The following GSTO2 variants were observed in gnomAD, a reference collection of about 807,000 sequenced individuals.
GSTO2 encodes the protein glutathione S-transferase omega 2, also known as glutathione S-transferase omega-2.
A neutral mutation model predicts 28.4 loss-of-function variants in GSTO2; 23 were observed. The observed-to-expected ratio is 0.81, with a 90% CI of 0.58 to 1.15. The LOEUF (loss-of-function observed/expected upper bound fraction) is 1.15. Among genes scored for constraint, GSTO2 ranks in the 50% most tolerant of loss-of-function variants. The probability of loss-of-function intolerance (pLI) is 0.00; values close to 1 mark genes in which losing one functional copy is unlikely to be tolerated. For missense variants in GSTO2, 298 were observed against 297.8 expected (o/e 1.00, Z 0.00); for synonymous variants, 109 against 111.0 (o/e 0.98, Z 0.11).
Position 104,274,769 on chromosome 10 carries a change from C to A in GSTO2, c.-147C>A. The A allele has an allele frequency of 1.0e-6, 1 of 954,128 alleles. No homozygotes were observed. The highest frequency in any genetic ancestry group is 1.6e-6 in the Non-Finnish European group (1 of 622,940). 59.1% of individuals were successfully genotyped at this position (954,128 alleles called of 1,614,324 possible). The stretch of plus-strand genomic sequence containing the variant: ...TCCTGCTCCAGATCGCTTCCCCGTG[C>A]CCCGCCAGAGCCCAGTAGTTCAAAA... On this transcript the variant is annotated 5_prime_UTR_variant, in exon 2 of 7. Coordinates refer to ENST00000338595, the MANE Select transcript of GSTO2 (RefSeq NM_183239.2).
At position 104,299,255 on chromosome 10, in the gene GSTO2, C is replaced by T. The variant is rs771878120; in HGVS notation, c.703C>T (p.Pro235Ser). The T allele has an allele frequency of 1.2e-6, 2 of 1,614,028 alleles. No homozygotes were observed. Among genetic ancestry groups the T allele is most frequent in the East Asian group, 2.2e-5 (1 of 44,896 alleles). ...CTTGAATCTCTATTTTCAGAACAAC[C>T]CTAATGCCTTTGACTTTGGGCTGTG... ...GFLNLYFQNNPNAFDFGLC is the reference protein window; with the variant it reads ...GFLNLYFQNNSNAFDFGLC Residue 235 changes from proline to serine, a missense_variant, in exon 7 of 7, where the codon CCT becomes TCT. Pro to Ser is a moderately conservative substitution (Grantham distance 74). Transcript: ENST00000338595.
intron 6 of GSTO2, 23 bp downstream of exon 6, chr10:104,297,707 G>A (rs1471593518): frequency 1.3e-6 from 2 of 1,530,304 alleles, no homozygotes; most frequent in Non-Finnish European, 1.8e-6. Context: ...ACATTGTGGT[G>A]TTAAATTCCC....
chr10:104,282,231 AAAAAAAAAAAAAGAAAAG>A (rs1439312356), intron 5 of GSTO2, among the ~76,000 whole-genome samples: 1 of 147,980 alleles, frequency 6.8e-6, no homozygotes, highest in Admixed American at 6.6e-5. Flanking sequence ...GTTTCAAAAA[AAAAAAAAAAAAAGAAAAG>A]AAAAGAAAAA....
intron 5 of GSTO2, among the ~76,000 whole-genome samples, chr10:104,286,963 CT>C (rs963861730): frequency 1.3e-5 from 2 of 152,042 alleles, no homozygotes; most frequent in Admixed American, 6.5e-5. Flanking sequence ...ATCTTGGGGA[CT>C]TTTTTGTTTT....
intron 3 of GSTO2, among the ~76,000 whole-genome samples, chr10:104,277,020 C>T (rs1279045003): frequency 6.6e-6 from 1 of 152,190 alleles, no homozygotes; most frequent in Non-Finnish European, 1.5e-5. Flanking sequence ...ATCCCCACCA[C>T]AGTACCAAGA....
intron 6 of GSTO2, among the ~76,000 whole-genome samples, chr10:104,298,807 A>G (rs544003153): frequency 6.6e-6 from 1 of 152,318 alleles, no homozygotes; most frequent in Admixed American, 6.5e-5. Context: ...AGTGAAGCAC[A>G]TGTAAGTTTC....
Position 104,274,912 on chromosome 10 carries a change from G to C in GSTO2, c.-4G>C, listed in dbSNP as rs780067373. The C allele has an allele frequency of 6.2e-7, 1 of 1,609,894 alleles. No homozygotes were observed. Among genetic ancestry groups the C allele is most frequent in the Non-Finnish European group, 8.5e-7 (1 of 1,178,474 alleles). ...CCGGGAGCTGCGCAAACCACCTGGAGACCATGTCTGGGGATGCGACCAGGA... is the reference window on the plus strand; with the variant it reads ...CCGGGAGCTGCGCAAACCACCTGGACACCATGTCTGGGGATGCGACCAGGA... On this transcript the variant is annotated 5_prime_UTR_variant, in exon 2 of 7. Coordinates refer to ENST00000338595, the MANE Select transcript of GSTO2 (RefSeq NM_183239.2).
At position 104,303,076 on chromosome 10, in the gene GSTO2, G is replaced by C. The variant is rs2013306357; in HGVS notation, c.*3792G>C. On this transcript the variant is annotated 3_prime_UTR_variant, in exon 7 of 7. Transcript: ENST00000338595. ...TAGATATTAAGTCTAGTATCCATTA[G>C]TTATTTTTCCTGATCCTCTCCCTCC... is the stretch of plus-strand genomic sequence containing the variant. The C allele has an allele frequency of 6.6e-6, 1 of 152,188 alleles. No individual in the cohort carries two copies. Among genetic ancestry groups the C allele is most frequent in the Admixed American group, 6.5e-5 (1 of 15,278 alleles). The allele number at this position is 152,188 out of a possible 1,614,324, so 9.4% of individuals were successfully genotyped here. A position where few individuals can be genotyped will look rare whatever the true frequency, so the allele number is the denominator to read the frequency against.
chr10:104,285,905 G>T, intron 5 of GSTO2: 1 of 315,716 alleles, frequency 3.2e-6, no homozygotes, highest in Non-Finnish European at 6.3e-6. Context: ...TTTATATATT[G>T]TTTAATTGTT....
intron 5 of GSTO2, among the ~76,000 whole-genome samples, chr10:104,288,929 C>T (rs2012609902): frequency 6.6e-6 from 1 of 152,010 alleles, no homozygotes; most frequent in Non-Finnish European, 1.5e-5. Context: ...CTATGATTTC[C>T]TCCACTGTTT....
In GSTO2 at chr10:104,304,319, C is replaced by T. The variant is rs2013340822; in HGVS notation, c.*5035C>T. 1 of 152,222 alleles carries T rather than the reference C, an allele frequency of 6.6e-6. No homozygotes were observed. Among genetic ancestry groups the T allele is most frequent in the Non-Finnish European group, 1.5e-5 (1 of 68,046 alleles). 9.4% of individuals were successfully genotyped at this position (152,222 alleles called of 1,614,324 possible). A position where few individuals can be genotyped will look rare whatever the true frequency, so the allele number is the denominator to read the frequency against. On this transcript the variant is annotated 3_prime_UTR_variant, in exon 7 of 7. Transcript: ENST00000338595. ...TCTTGAGCCTTTGAAAATGCCATTT[C>T]CTCTACATACTATTCTTCCTCAGAG...
intron 5 of GSTO2, among the ~76,000 whole-genome samples, chr10:104,284,946 G>A (rs1034263591): frequency 2.0e-5 from 3 of 152,130 alleles, no homozygotes; most frequent in African/African-American, 4.8e-5. Context: ...AAAAGAGAGC[G>A]GGGAGGGGAT....
intron 5 of GSTO2, among the ~76,000 whole-genome samples, chr10:104,282,679 G>A (rs1293905490): frequency 1.3e-5 from 2 of 152,158 alleles, no homozygotes; most frequent in Non-Finnish European, 2.9e-5. Flanking sequence ...TGGAGAGGGA[G>A]GTTTAATTAG....
chr10:104,297,758 C>A, intron 6 of GSTO2, 74 bp downstream of exon 6: 2 of 968,174 alleles, frequency 2.1e-6, no homozygotes, highest in Non-Finnish European at 3.3e-6. Context: ...GGTCTGCATG[C>A]CCCCTGTAGA....
rs866294698 is a variant in GSTO2 at position 104,304,233 on chromosome 10, G to C, written c.*4949G>C. 1 of 152,232 alleles carries C rather than the reference G, an allele frequency of 6.6e-6. No individual in the cohort carries two copies. The highest frequency in any genetic ancestry group is 1.9e-4 in the East Asian group (1 of 5,200). 9.4% of individuals were successfully genotyped at this position (152,232 alleles called of 1,614,324 possible). A position where few individuals can be genotyped will look rare whatever the true frequency, so the allele number is the denominator to read the frequency against. ...TTTTCATTTATCTTCTTCTTTGAGT[G>C]CCTGGAAGGCTGAACATTTGATCTT... On this transcript the variant is annotated 3_prime_UTR_variant, in exon 7 of 7. Transcript: ENST00000338595.
chr10:104,270,775 A>G (rs1221381116), intron 1 of GSTO2, among the ~76,000 whole-genome samples: 2 of 152,232 alleles, frequency 1.3e-5, no homozygotes, highest in African/African-American at 2.4e-5. Flanking sequence ...AGTTTCTGCT[A>G]CTATCAAGAG....
chr10:104,280,053 C>T (rs897025093), intron 5 of GSTO2, among the ~76,000 whole-genome samples: 18 of 151,148 alleles, frequency 1.2e-4, no homozygotes, highest in African/African-American at 3.9e-4. Context: ...GTAGTCCCAG[C>T]TACTTAGGAG....
chr10:104,286,525 A>G (rs2012432245), intron 5 of GSTO2, among the ~76,000 whole-genome samples: 1 of 152,198 alleles, frequency 6.6e-6, no homozygotes, highest in South Asian at 2.1e-4. Context: ...TGCTGTGAAC[A>G]CCATGCAGGT....
chr10:104,272,754 C>T (rs893459492), intron 1 of GSTO2, among the ~76,000 whole-genome samples: 1 of 151,690 alleles, frequency 6.6e-6, no homozygotes, highest in Non-Finnish European at 1.5e-5. Context: ...GCTGGGACTA[C>T]AGGCGCCTGC....
Sources: gnomAD v4.1 joint callset for allele counts (sites outside exome capture counted in the v4.1 genomes callset) on GRCh38, gnomAD v4.1.1 for gene constraint, MANE v1.5 for transcripts, NCBI Gene and HGNC (gene_info 2026-07-23, HGNC 2026-07-21) for gene names.